APAF1: variants seen among roughly 807,000 people sequenced by gnomAD.
APAF1 encodes the protein apoptotic protease-activating factor 1.
Under a neutral mutation model 152.4 loss-of-function variants are expected in APAF1, and 91 were observed. The ratio of observed to expected loss-of-function variants is 0.60; its 90% CI spans 0.50 to 0.71. APAF1 has a LOEUF of 0.71. APAF1 is among the 30% of genes least tolerant of loss of function. The pLI is 0.00. For synonymous variants in APAF1, 484 were observed against 494.1 expected (o/e 0.98, Z 0.27); for missense variants, 1,283 against 1,472.0 (o/e 0.87, Z 2.10).
intron 7 of APAF1, among the ~76,000 whole-genome samples, chr12:98,665,218 G>A (rs1336835870): frequency 7.2e-6 from 1 of 138,680 alleles, no homozygotes; most frequent in Non-Finnish European, 1.5e-5. Context: ...TTTATTTTTA[G>A]TAGAGACAAG....
rs1219091850 is a variant in APAF1 at position 98,734,510 on chromosome 12, G to C, written c.*1944G>C. 2 of 152,540 alleles carry C rather than the reference G, an allele frequency of 1.3e-5. No individual in the cohort carries two copies. The highest frequency in any genetic ancestry group is 4.8e-5 in the African/African-American group (2 of 41,426). 9.4% of individuals were successfully genotyped at this position (152,540 alleles called of 1,614,324 possible). On this transcript the variant is annotated 3_prime_UTR_variant, in exon 27 of 27. Coordinates refer to ENST00000551964, the MANE Select transcript of APAF1 (RefSeq NM_181861.2). ...AATCAAATGATTACTAGTGTTAATA[G>C]TAGATAACTTGTTTTTATTGTTGGT... is the stretch of plus-strand genomic sequence containing the variant.
chr12:98,675,690 C>T (rs1265547681), intron 12 of APAF1, among the ~76,000 whole-genome samples: 1 of 152,134 alleles, frequency 6.6e-6, no homozygotes, highest in East Asian at 1.9e-4. Context: ...CATGCAAATC[C>T]TATACCATTT....
chr12:98,679,869 G>A (rs768735568), intron 13 of APAF1, among the ~76,000 whole-genome samples: 1 of 152,252 alleles, frequency 6.6e-6, no homozygotes. Context: ...ACTCACACAC[G>A]CCTCGCTGTT....
chr12:98,649,458 A>G lies in APAF1; in HGVS notation c.329-29A>G, dbSNP rs367664693. 921 of 1,607,838 alleles carry G rather than the reference A, an allele frequency of 5.7e-4. 11 individuals are homozygous for G. Among genetic ancestry groups the G allele is most frequent in the South Asian group, 4.6e-3 (416 of 90,944 alleles). On this transcript the variant is annotated intron_variant, in intron 3 of 26. Transcript: ENST00000551964. ...CAGTAATTATTCCAAAGTTCTATTC[A>G]TTCATGCTTGTTTTGTTTTGGATTT... is the stretch of plus-strand genomic sequence containing the variant.
Position 98,721,259 on chromosome 12 carries a change from C to T in APAF1, c.3085-1934C>T, listed in dbSNP as rs182489729. On this transcript the variant is annotated intron_variant, in intron 22 of 26. Transcript: ENST00000551964. ...AGCTGCAAAGGCTATTCTTAATCTG[C>T]CCTCAGTGGTTGTCAAATTCTTTGT... is the stretch of plus-strand genomic sequence containing the variant. Among the ~76,000 whole-genome samples, 437 of 152,288 alleles carry T rather than the reference C, an allele frequency of 2.9e-3. 3 individuals carry two copies. Among genetic ancestry groups the T allele is most frequent in the Non-Finnish European group, 2.8e-3 (189 of 68,020 alleles).
intron 18 of APAF1, 73 bp from the exon 19 acceptor site, chr12:98,706,412 C>T (rs1414128228): frequency 6.7e-7 from 1 of 1,484,264 alleles, no homozygotes. Flanking sequence ...CTCATTCTTG[C>T]TATTTTCAAT....
chr12:98,677,409 T>A lies in APAF1; in HGVS notation c.1794-16T>A. ...CTCATTTATTTAATTTCTGTTCATT[T>A]TTTCCCTGTATTTAGAAACAAAAAA... On this transcript the variant is annotated splice_polypyrimidine_tract_variant and intron_variant, in intron 12 of 26. Coordinates refer to ENST00000551964, the MANE Select transcript of APAF1 (RefSeq NM_181861.2). 6.2e-7 allele frequency: 1 copy of A among 1,613,490 alleles called. No homozygotes were observed. Among genetic ancestry groups the A allele is most frequent in the Non-Finnish European group, 8.5e-7 (1 of 1,179,528 alleles).
intron 12 of APAF1, among the ~76,000 whole-genome samples, chr12:98,676,136 G>T (rs2097686242): frequency 6.6e-6 from 1 of 152,190 alleles, no homozygotes; most frequent in African/African-American, 2.4e-5. Context: ...TGACAGGGAT[G>T]TAACGTATAT....
chr12:98,651,388 G>GT (rs1166751835), intron 4 of APAF1, among the ~76,000 whole-genome samples: 4 of 152,208 alleles, frequency 2.6e-5, no homozygotes, highest in African/African-American at 9.6e-5. Flanking sequence ...TGGTATGCAG[G>GT]TATTTTAAAT....
At chr12:98,718,180 T>C (rs1401475780) in intron 22 of APAF1, among the ~76,000 whole-genome samples, 1 of 152,120 alleles carries the variant, frequency 6.6e-6, no homozygotes, top group Non-Finnish European at 1.5e-5. Flanking sequence ...ACTTTCTTCC[T>C]TTTTTTCCCA....
chr12:98,723,509 G>C (rs996323463), intron 23 of APAF1, 130 bp from the exon 24 acceptor site: 3 of 1,016,046 alleles, frequency 3.0e-6, no homozygotes, highest in Admixed American at 2.2e-5. Context: ...CACATTTAAA[G>C]TAAAGGGGTC....
At chr12:98,712,728 G>A in intron 21 of APAF1, 1 of 329,304 alleles carries the variant, frequency 3.0e-6, no homozygotes, top group Non-Finnish European at 5.7e-6. Context: ...TGCCCAGGCT[G>A]GTCTCAAACT....
Position 98,651,935 on chromosome 12 carries a change from C to A in APAF1, c.526+2251C>A, listed in dbSNP as rs542428682. Among the ~76,000 whole-genome samples, 42 of 152,292 alleles carry A rather than the reference C, an allele frequency of 2.8e-4. No homozygotes were observed. In the South Asian group the frequency reaches 3.3e-3, roughly 12 times the overall value. ...GCTCAAGTGATCTTCCCACCTCAGC[C>A]TCCGGAGTAGCTGGGACCACAGGTG... On this transcript the variant is annotated intron_variant, in intron 4 of 26. Transcript: ENST00000551964.
intron 5 of APAF1, among the ~76,000 whole-genome samples, chr12:98,661,143 T>C (rs1005320652): frequency 3.9e-5 from 6 of 152,136 alleles, no homozygotes; most frequent in Non-Finnish European, 8.8e-5. Flanking sequence ...CCTCGTGATC[T>C]GCCCACCTTG....
chr12:98,707,711 T>TATAC (rs200051674), intron 19 of APAF1, among the ~76,000 whole-genome samples: 125 of 149,994 alleles, frequency 8.3e-4, no homozygotes, highest in African/African-American at 2.8e-3. Flanking sequence ...TATATATATA[T>TATAC]ACATATAAAT....
intron 25 of APAF1, 80 bp downstream of exon 25, chr12:98,725,620 C>T (rs1042394400): frequency 2.4e-5 from 38 of 1,590,890 alleles, no homozygotes; most frequent in East Asian, 1.3e-4. Flanking sequence ...CCTTTGTTCA[C>T]GGGCCAGGGA....
In APAF1 at chr12:98,725,461, A is replaced by G. The variant is rs1394330327; in HGVS notation, c.3377A>G (p.His1126Arg). The change falls in exon 25 of 27, where the codon CAC (histidine) becomes CGC (arginine). Residue 1126 changes from histidine to arginine, a missense_variant. Transcript: ENST00000551964. ...TTGCCACTTCATGAATTGAGGGGCC[A>G]CAACGGCTGTGTGCGCTGCTCTGCC... ...LLLPLHELRG[H>R]NGCVRCSAFS... 1 of 1,614,174 alleles carries G rather than the reference A, an allele frequency of 6.2e-7. No homozygotes were observed.
rs1460312503 is a variant in APAF1 at position 98,677,461 on chromosome 12, T to G, written c.1830T>G (p.Val610=). The change falls in exon 13 of 27, where the codon GTT becomes GTG. Residue 610 remains valine (V), a synonymous_variant. Transcript: ENST00000551964. ...KKNITNLSRL[V]VRPHTDAVYH... is the part of the protein sequence containing the mutation. ...ACATCACGAATCTTTCCCGCTTAGT[T>G]GTCCGCCCCCACACAGATGCTGTTT... 6.2e-7 allele frequency: 1 copy of G among 1,614,206 alleles called. No homozygotes were observed.
At chr12:98,715,234 G>GTATATATA (rs2097732837) in intron 21 of APAF1, among the ~76,000 whole-genome samples, 193 bp from the exon 22 acceptor site, 3 of 58,326 alleles carry the variant, frequency 5.1e-5, no homozygotes, top group African/African-American at 8.0e-5. Flanking sequence ...TACATGGTGT[G>GTATATATA]CATATATATA....
Sources: gnomAD v4.1 joint callset for allele counts (sites outside exome capture counted in the v4.1 genomes callset) on GRCh38, gnomAD v4.1.1 for gene constraint, MANE v1.5 for transcripts, NCBI Gene and HGNC (gene_info 2026-07-23, HGNC 2026-07-21) for gene names.